VPS11: variants seen among roughly 807,000 people sequenced by gnomAD.
VPS11 encodes vacuolar protein sorting-associated protein 11 homolog.
In VPS11, 51 loss-of-function variants were observed where a neutral mutation model predicts 106.8. The ratio of observed to expected loss-of-function variants is 0.48; its 90% CI spans 0.38 to 0.60. VPS11 has a LOEUF of 0.60. VPS11 is among the 20% of genes least tolerant of loss of function. The pLI, the probability that VPS11 is intolerant of heterozygous loss-of-function variation, is 0.00. For missense variants in VPS11, 950 were observed against 1,190.0 expected, an observed-to-expected ratio of 0.80 and a Z score of 2.97; for synonymous variants, 453 against 458.7, an observed-to-expected ratio of 0.99 and a Z score of 0.16.
intron 4 of VPS11, 74 bp downstream of exon 4, chr11:119,070,471 A>G (rs1466839284): frequency 2.1e-6 from 3 of 1,412,798 alleles, no homozygotes; most frequent in East Asian, 4.8e-5. Flanking sequence ...AGGGTAATGA[A>G]GTGACAGGAA....
At chr11:119,069,088 G>A (rs894575550) in intron 1 of VPS11, 108 bp from the exon 2 acceptor site, 4 of 1,435,772 alleles carry the variant, frequency 2.8e-6, no homozygotes, top group African/African-American at 1.4e-5. Context: ...GGAGTATGTG[G>A]GAAAATCCTT....
At chr11:119,077,411 A>G in intron 8 of VPS11, 90 bp from the exon 9 acceptor site, 1 of 1,487,158 alleles carries the variant, frequency 6.7e-7, no homozygotes. Context: ...TTATGATATC[A>G]CCTTAGGAAT....
At chr11:119,068,635 A>T (rs564301285) in intron 1 of VPS11, among the ~76,000 whole-genome samples, 55 of 151,744 alleles carry the variant, frequency 3.6e-4, no homozygotes, top group African/African-American at 1.3e-3. Context: ...TTCAGTAGAG[A>T]CGGGGTTTCA....
intron 8 of VPS11, 113 bp downstream of exon 8, chr11:119,077,196 T>G: frequency 7.6e-7 from 1 of 1,314,452 alleles, no homozygotes; most frequent in Non-Finnish European, 1.0e-6. Flanking sequence ...CTGACCTTAT[T>G]TAGAGGAGTG....
chr11:119,075,712 C>T (rs1332794201), intron 7 of VPS11, among the ~76,000 whole-genome samples: 1 of 151,000 alleles, frequency 6.6e-6, no homozygotes, highest in African/African-American at 2.4e-5. Flanking sequence ...ATTAGCTGGG[C>T]ATGGTGGCGG....
intron 5 of VPS11, 71 bp downstream of exon 5, chr11:119,071,914 C>A: frequency 6.4e-7 from 1 of 1,557,806 alleles, no homozygotes; most frequent in Non-Finnish European, 8.7e-7. Context: ...ATTTTAAAAT[C>A]CTAATGCCTG....
Position 119,078,028 on chromosome 11 carries a change from C to A in VPS11, c.1723C>A (p.Leu575Ile). 6.2e-7 allele frequency: 1 copy of A among 1,612,786 alleles called. No homozygotes were observed. Among genetic ancestry groups the A allele is most frequent in the Non-Finnish European group, 8.5e-7 (1 of 1,179,880 alleles). The change falls in exon 10 of 16, where the codon CTC becomes ATC. Residue 575 changes from leucine (L) to isoleucine (I), a missense_variant. Around this residue, in one of 3 missense-constraint regions of VPS11, gnomAD observed 453 missense variants for 514.6 expected, o/e 0.88. Coordinates refer to ENST00000621676, the MANE Select transcript of VPS11 (RefSeq NM_021729.6). ...KGLCTDYRPS[L>I]EGRSDREAPG... Reference sequence around the variant, plus strand: ...ACTTTGTACTGATTATCGGCCCAGCCTCGAAGGCCGCAGCGATAGGGAGGC... The same window carrying A: ...ACTTTGTACTGATTATCGGCCCAGCATCGAAGGCCGCAGCGATAGGGAGGC...
intron 11 of VPS11, 106 bp downstream of exon 11, chr11:119,078,440 C>A: frequency 6.4e-7 from 1 of 1,568,784 alleles, no homozygotes; most frequent in South Asian, 1.1e-5. Flanking sequence ...TAACACCTTA[C>A]CTCGGGGCTC....
In VPS11 at chr11:119,078,675, T is replaced by C. The variant is rs1357274937; in HGVS notation, c.2034T>C (p.Gly678=). 2.5e-6 allele frequency: 4 copies of C among 1,613,138 alleles called. No homozygotes were observed. The highest frequency in any genetic ancestry group is 3.3e-5 in the Admixed American group (2 of 59,848). ...VLCQMHDFQD[G]VLYLYEQGKL... ...GCCAGATGCACGACTTCCAGGATGG[T>C]GTCCTTTACCTTTATGAGCAGGGGA... Residue 678 remains glycine (G), a synonymous_variant, in exon 12 of 16, where the codon GGT becomes GGC. Transcript: ENST00000621676.
intron 13 of VPS11, 28 bp downstream of exon 13, chr11:119,079,025 AC>A: frequency 6.2e-7 from 1 of 1,613,194 alleles, no homozygotes; most frequent in Non-Finnish European, 8.5e-7. Context: ...TGGGTGGGTG[AC>A]AAGCTGCTGA....
chr11:119,081,695 T>A lies in VPS11; in HGVS notation c.*72T>A. The A allele has an allele frequency of 6.4e-7, 1 of 1,554,044 alleles. No individual in the cohort carries two copies. Among genetic ancestry groups the A allele is most frequent in the Non-Finnish European group, 8.7e-7 (1 of 1,146,724 alleles). ...GACACAATGGGACCTGGGCGGGCGTTACACAGAAGGCTGGCTGACATGCCC... is the reference window on the plus strand; with the variant it reads ...GACACAATGGGACCTGGGCGGGCGTAACACAGAAGGCTGGCTGACATGCCC... On this transcript the variant is annotated 3_prime_UTR_variant, in exon 16 of 16. Transcript: ENST00000621676.
chr11:119,069,390 G>A (rs782089765), intron 2 of VPS11, 46 bp downstream of exon 2: 1 of 1,613,800 alleles, frequency 6.2e-7, no homozygotes, highest in East Asian at 2.2e-5. Context: ...GCCTAGGAAT[G>A]ATTTTTTGTT....
In VPS11 at chr11:119,077,056, C is replaced by T; in HGVS notation, c.1398C>T (p.Asp466=). 6 of 1,613,272 alleles carry T rather than the reference C, an allele frequency of 3.7e-6. No homozygotes were observed. Among genetic ancestry groups the T allele is most frequent in the Non-Finnish European group, 4.2e-6 (5 of 1,179,564 alleles). The change falls in exon 8 of 16, where the codon GAC becomes GAT. Residue 466 remains aspartate (D), a synonymous_variant. Coordinates refer to ENST00000621676, the MANE Select transcript of VPS11 (RefSeq NM_021729.6). ...LLLNCYTKLK[D]SSKLEEFIKK... is the part of the protein sequence containing the mutation. ...TCAACTGCTATACCAAGCTCAAGGACAGCTCGAAGCTGGAGGAGTTCATCA... is the reference window on the plus strand; with the variant it reads ...TCAACTGCTATACCAAGCTCAAGGATAGCTCGAAGCTGGAGGAGTTCATCA...
At chr11:119,079,326 G>T in intron 14 of VPS11, 26 bp downstream of exon 14, 1 of 1,556,272 alleles carries the variant, frequency 6.4e-7, no homozygotes, top group Non-Finnish European at 8.7e-7. Context: ...ATATGTGGAG[G>T]AGTCCAGGGG....
At chr11:119,074,015 G>A in intron 7 of VPS11, 64 bp downstream of exon 7, 2 of 1,530,924 alleles carry the variant, frequency 1.3e-6, no homozygotes, top group Non-Finnish European at 1.8e-6. Flanking sequence ...GATAGCTAAA[G>A]CCCATCCATG....
intron 7 of VPS11, among the ~76,000 whole-genome samples, chr11:119,075,552 A>T (rs1393258047): frequency 6.6e-6 from 1 of 150,796 alleles, no homozygotes; most frequent in Non-Finnish European, 1.5e-5. Context: ...TAAAAAAAAA[A>T]AAAAAAAAAA....
At position 119,081,712 on chromosome 11, in the gene VPS11, G is replaced by A; in HGVS notation, c.*89G>A. 6.7e-7 allele frequency: 1 copy of A among 1,499,872 alleles called. No individual in the cohort carries two copies. The highest frequency in any genetic ancestry group is 9.0e-7 in the Non-Finnish European group (1 of 1,112,798). 92.9% of individuals were successfully genotyped at this position (1,499,872 alleles called of 1,614,324 possible). ...GCGGGCGTTACACAGAAGGCTGGCT[G>A]ACATGCCCAGGGCTCCACTCTCATC... On this transcript the variant is annotated 3_prime_UTR_variant, in exon 16 of 16. Transcript: ENST00000621676.
chr11:119,070,982 G>A (rs1415991961), intron 4 of VPS11, among the ~76,000 whole-genome samples: 1 of 146,104 alleles, frequency 6.8e-6, no homozygotes, highest in African/African-American at 2.6e-5. Context: ...AGGCTAGAGT[G>A]CAATGGTGCT....
Position 119,081,129 on chromosome 11 carries a change from A to T in VPS11, c.2476A>T (p.Asn826Tyr). The part of the protein sequence containing the change: ...IFQKTKCSIC[N>Y]SALELPSVHF... ...CCAAAAGACCAAGTGCAGCATCTGT[A>T]ACAGTGCCTTGGAGTTGCCCTCAGT... The change falls in exon 15 of 16, where the codon AAC (asparagine) becomes TAC (tyrosine). Residue 826 changes from asparagine to tyrosine, a missense_variant. Around this residue, in one of 3 missense-constraint regions of VPS11, gnomAD observed 453 missense variants for 514.6 expected, o/e 0.88. Transcript: ENST00000621676. The T allele has an allele frequency of 6.2e-7, 1 of 1,614,040 alleles. No homozygotes were observed. The highest frequency in any genetic ancestry group is 1.6e-4 in the Middle Eastern group (1 of 6,062).
Sources: gnomAD v4.1 joint callset for allele counts (sites outside exome capture counted in the v4.1 genomes callset) on GRCh38, gnomAD v4.1.1 for gene constraint, gnomAD v4.1.1 regional missense constraint, MANE v1.5 for transcripts, NCBI Gene and HGNC (gene_info 2026-07-23, HGNC 2026-07-21) for gene names.